Variants in GALNT13 observed in about 807,000 individuals in gnomAD.
GALNT13 encodes polypeptide N-acetylgalactosaminyltransferase 13, also known as UDP-GalNAc:polypeptide N-acetylgalactosaminyltransferase 13.
GALNT13 carries 28 observed loss-of-function variants against 64.2 expected under a neutral mutation model. The observed-to-expected ratio is 0.44, with a 90% CI of 0.32 to 0.60. The LOEUF (loss-of-function observed/expected upper bound fraction) is 0.60. Ranked by LOEUF, GALNT13 falls within the 20% of genes least tolerant of loss-of-function variation. The probability of loss-of-function intolerance (pLI) is 0.05; values close to 1 mark genes in which losing one functional copy is unlikely to be tolerated. For missense variants in GALNT13, 577 were observed against 669.8 expected, an observed-to-expected ratio of 0.86 and a Z score of 1.53; for synonymous variants, 214 against 224.6, an observed-to-expected ratio of 0.95 and a Z score of 0.42.
chr2:154,316,142 T>A (rs752686105), intron 9 of GALNT13, among the ~76,000 whole-genome samples: 1 of 152,172 alleles, frequency 6.6e-6, no homozygotes, highest in Non-Finnish European at 1.5e-5. Context: ...ATAATTTATA[T>A]CGTTGAAAAT....
chr2:153,634,919 C>G, the GALNT13 span, among the ~76,000 whole-genome samples: 1 of 151,776 alleles, frequency 6.6e-6, no homozygotes, highest in Non-Finnish European at 1.5e-5. Context: ...CTTGCTTTCT[C>G]TTCCTGTGGT....
intron 4 of GALNT13, among the ~76,000 whole-genome samples, chr2:154,206,231 G>C (rs1687444281): frequency 6.6e-6 from 1 of 151,646 alleles, no homozygotes; most frequent in Non-Finnish European, 1.5e-5. Context: ...TCGACCTCCT[G>C]ACCTTGTGAT....
chr2:153,587,810 A>G, the GALNT13 span, among the ~76,000 whole-genome samples: 1 of 152,194 alleles, frequency 6.6e-6, no homozygotes, highest in Non-Finnish European at 1.5e-5. Context: ...CATTAACTCA[A>G]AAGTCCACAG....
chr2:153,655,302 T>C, the GALNT13 span, among the ~76,000 whole-genome samples: 3 of 152,158 alleles, frequency 2.0e-5, no homozygotes, highest in Non-Finnish European at 4.4e-5. Context: ...AAGCAGATAA[T>C]TTCATCATTT....
chr2:154,246,302 C>G (rs1415034160), intron 7 of GALNT13, among the ~76,000 whole-genome samples: 1 of 152,006 alleles, frequency 6.6e-6, no homozygotes, highest in Non-Finnish European at 1.5e-5. Context: ...AAATGTGTGT[C>G]TTACCTTAAA....
chr2:153,516,103 G>C, the GALNT13 span, among the ~76,000 whole-genome samples: 3 of 152,194 alleles, frequency 2.0e-5, no homozygotes, highest in African/African-American at 7.2e-5. Context: ...ACTTGGATTA[G>C]AGTAGTTGAG....
the GALNT13 span, among the ~76,000 whole-genome samples, chr2:153,588,075 C>T: frequency 2.6e-5 from 4 of 152,216 alleles, no homozygotes; most frequent in Non-Finnish European, 4.4e-5. Flanking sequence ...CATGCTGATG[C>T]AAAAGATGGT....
chr2:153,573,756 T>C, the GALNT13 span, among the ~76,000 whole-genome samples: 1 of 152,104 alleles, frequency 6.6e-6, no homozygotes, highest in Non-Finnish European at 1.5e-5. Context: ...CCCCCCACTT[T>C]TTAACTTTTA....
chr2:153,101,975 T>A, the GALNT13 span, among the ~76,000 whole-genome samples: 7 of 152,276 alleles, frequency 4.6e-5, no homozygotes, highest in Non-Finnish European at 7.3e-5. Context: ...ATATAGATAA[T>A]GCATAGACAT....
At chr2:153,590,039 C>CA in the GALNT13 span, among the ~76,000 whole-genome samples, 1 of 151,854 alleles carries the variant, frequency 6.6e-6, no homozygotes, top group Non-Finnish European at 1.5e-5. Flanking sequence ...CCAAAAAATA[C>CA]AAAAAGCCAA....
the GALNT13 span, among the ~76,000 whole-genome samples, chr2:153,228,338 T>C: frequency 6.6e-6 from 1 of 152,232 alleles, no homozygotes; most frequent in Non-Finnish European, 1.5e-5. Flanking sequence ...GTCAAAAGCA[T>C]ATATTGCTTG....
At chr2:153,738,099 CT>C in the GALNT13 span, among the ~76,000 whole-genome samples, 2 of 151,720 alleles carry the variant, frequency 1.3e-5, no homozygotes, top group African/African-American at 2.4e-5. Context: ...TTTTCTGAAT[CT>C]TTTTTTCTCT....
chr2:154,140,456 A>G lies in GALNT13; in HGVS notation c.262A>G (p.Ser88Gly). The G allele has an allele frequency of 6.2e-7, 1 of 1,612,806 alleles. No individual in the cohort carries two copies. Among genetic ancestry groups the G allele is most frequent in the Non-Finnish European group, 8.5e-7 (1 of 1,179,034 alleles). Residue 88 changes from serine to glycine, a missense_variant, in exon 4 of 13, where the codon AGT becomes GGT. Physicochemically the swap from Ser to Gly is moderately conservative, Grantham distance 56. Coordinates refer to ENST00000392825, the MANE Select transcript of GALNT13 (RefSeq NM_052917.4). ...AATCAATCAGTTTAACCTTATGGCC[A>G]GTGATTTGATTGCCCTTAATAGAAG... ...FKINQFNLMA[S>G]DLIALNRSLP...
chr2:153,649,698 A>G, the GALNT13 span, among the ~76,000 whole-genome samples: 22 of 152,236 alleles, frequency 1.4e-4, no homozygotes, highest in East Asian at 4.1e-3. Context: ...GAACATCTTT[A>G]TTTCTGCCTT....
chr2:154,079,624 G>A (rs751631520), intron 3 of GALNT13, among the ~76,000 whole-genome samples: 3 of 151,148 alleles, frequency 2.0e-5, no homozygotes, highest in Admixed American at 6.6e-5. Context: ...CCCTTTATTC[G>A]TCCCTCATGA....
At chr2:153,078,218 T>C in the GALNT13 span, among the ~76,000 whole-genome samples, 4 of 152,222 alleles carry the variant, frequency 2.6e-5, no homozygotes, top group African/African-American at 9.6e-5. Context: ...ATTTTCTAAA[T>C]TCTCTTATTT....
At chr2:153,295,058 G>A in the GALNT13 span, among the ~76,000 whole-genome samples, 2 of 152,082 alleles carry the variant, frequency 1.3e-5, no homozygotes, top group Non-Finnish European at 2.9e-5. Flanking sequence ...ATAGACACAG[G>A]TGAAGCCCGC....
At position 154,417,482 on chromosome 2, in the gene GALNT13, G is replaced by T. The variant is rs1700062790; in HGVS notation, c.1395+8400G>T. 1.4e-4 allele frequency among the ~76,000 whole-genome samples: 9 copies of T among 65,144 alleles called. No homozygotes were observed. The South Asian group carries it at 5.2e-3, about 38-fold the overall frequency. 42.7% of individuals were successfully genotyped at this position (65,144 alleles called of 152,430 possible). A position where few individuals can be genotyped will look rare whatever the true frequency, so the allele number is the denominator to read the frequency against. ...TCTTAAACCCATTTGCCATGACCTT[G>T]CCATGCTTTTATTTATTTATTTATT... On this transcript the variant is annotated intron_variant, in intron 11 of 12. Coordinates refer to ENST00000392825, the MANE Select transcript of GALNT13 (RefSeq NM_052917.4).
At chr2:153,723,784 A>G in the GALNT13 span, among the ~76,000 whole-genome samples, 3 of 151,338 alleles carry the variant, frequency 2.0e-5, no homozygotes, top group Non-Finnish European at 4.4e-5. Context: ...ACTACAAACC[A>G]CTGCTCAAGG....
Sources: allele counts gnomAD v4.1 joint callset (sites outside exome capture counted in the v4.1 genomes callset), GRCh38; gene constraint gnomAD v4.1.1; transcripts MANE v1.5; gene names NCBI Gene and HGNC (gene_info 2026-07-23, HGNC 2026-07-21).